Variants in NPAS3 observed in about 807,000 individuals in gnomAD.
NPAS3 encodes the protein neuronal PAS domain-containing protein 3.
In NPAS3, 14 loss-of-function variants were observed where a neutral mutation model predicts 73.1. The ratio of observed to expected loss-of-function variants is 0.19; its 90% CI spans 0.13 to 0.30. The LOEUF is 0.30. Ranked by LOEUF, NPAS3 falls within the 10% of genes least tolerant of loss-of-function variation. NPAS3 has a pLI of 1.00. For synonymous variants in NPAS3, 620 were observed against 541.5 expected (o/e 1.14, Z -2.01); for missense variants, 1,096 against 1,250.0 (o/e 0.88, Z 1.86).
intron 2 of NPAS3, among the ~76,000 whole-genome samples, chr14:33,066,363 T>C (rs1023688494): frequency 1.3e-5 from 2 of 152,218 alleles, no homozygotes; most frequent in African/African-American, 2.4e-5. Flanking sequence ...GATAGCAAGA[T>C]TGTTTACCCT....
At chr14:33,383,308 A>G (rs1194048875) in intron 4 of NPAS3, among the ~76,000 whole-genome samples, 1 of 152,088 alleles carries the variant, frequency 6.6e-6, no homozygotes, top group Non-Finnish European at 1.5e-5. Context: ...GAATTGACTT[A>G]AATTTGTGCA....
At chr14:33,005,866 C>A (rs879888487) in intron 1 of NPAS3, among the ~76,000 whole-genome samples, 1 of 152,146 alleles carries the variant, frequency 6.6e-6, no homozygotes, top group African/African-American at 2.4e-5. Flanking sequence ...TTCCTATAAC[C>A]TGTCCTCTTG....
intron 1 of NPAS3, among the ~76,000 whole-genome samples, chr14:32,971,125 C>G (rs947736517): frequency 6.7e-6 from 1 of 149,886 alleles, no homozygotes; most frequent in Non-Finnish European, 1.5e-5. Context: ...TGCTGTGTCG[C>G]CCATGCTGGA....
At chr14:33,801,161 G>GTTTA, downstream of NPAS3, 1 of 1,533,174 alleles carries the variant, frequency 6.5e-7, no homozygotes, top group Non-Finnish European at 8.7e-7. Flanking sequence ...AGGCATCGTC[G>GTTTA]GCATTTTCGT....
chr14:33,349,247 C>T (rs1470746697), intron 3 of NPAS3, among the ~76,000 whole-genome samples: 1 of 152,096 alleles, frequency 6.6e-6, no homozygotes, highest in African/African-American at 2.4e-5. Context: ...TTTTTCCTAG[C>T]CTATTTATAC....
chr14:33,603,837 C>T (rs1182272913), intron 5 of NPAS3, among the ~76,000 whole-genome samples: 6 of 151,922 alleles, frequency 3.9e-5, no homozygotes, highest in Admixed American at 2.0e-4. Context: ...AATGGGAACA[C>T]AGTGTGGGAT....
intron 7 of NPAS3, among the ~76,000 whole-genome samples, chr14:33,755,979 G>C (rs2062103609): frequency 6.6e-6 from 1 of 152,120 alleles, no homozygotes; most frequent in African/African-American, 2.4e-5. Flanking sequence ...CCCTGAGGGA[G>C]ACCATTCATC....
At chr14:33,316,485 A>G (rs1452410010) in intron 3 of NPAS3, among the ~76,000 whole-genome samples, 1 of 152,024 alleles carries the variant, frequency 6.6e-6, no homozygotes, top group Admixed American at 6.6e-5. Context: ...TTCAGATTGT[A>G]CCTCTTGAGA....
At chr14:32,984,695 T>A (rs555542902) in intron 1 of NPAS3, among the ~76,000 whole-genome samples, 2 of 152,306 alleles carry the variant, frequency 1.3e-5, no homozygotes, top group East Asian at 3.9e-4. Flanking sequence ...AGATGGAAAC[T>A]CCTTAAAAAA....
intron 4 of NPAS3, among the ~76,000 whole-genome samples, chr14:33,410,994 T>G (rs539413299): frequency 2.0e-5 from 3 of 152,172 alleles, no homozygotes; most frequent in Non-Finnish European, 4.4e-5. Flanking sequence ...TGAGTCCTTG[T>G]GGCTTTCAAT....
At chr14:33,267,763 G>A (rs1365073453) in intron 3 of NPAS3, among the ~76,000 whole-genome samples, 1 of 152,166 alleles carries the variant, frequency 6.6e-6, no homozygotes, top group Admixed American at 6.5e-5. Context: ...ATTTCCTGAG[G>A]TGGGGATCTG....
intron 3 of NPAS3, among the ~76,000 whole-genome samples, chr14:33,269,140 C>T (rs117162811): frequency 0.013 from 2,040 of 152,140 alleles, 10 homozygotes; most frequent in Non-Finnish European, 0.021. Flanking sequence ...AATATTGTAT[C>T]ATAAAGTGTG....
At chr14:33,183,605 A>G (rs929927393) in intron 2 of NPAS3, among the ~76,000 whole-genome samples, 1 of 151,140 alleles carries the variant, frequency 6.6e-6, no homozygotes, top group Non-Finnish European at 1.5e-5. Context: ...ACATCTCCCA[A>G]CTGAAATGTT....
At chr14:33,393,295 G>A (rs1423419786) in intron 4 of NPAS3, among the ~76,000 whole-genome samples, 2 of 152,084 alleles carry the variant, frequency 1.3e-5, no homozygotes, top group Non-Finnish European at 2.9e-5. Flanking sequence ...TTTATAAGGT[G>A]GGTGGAATTC....
rs4143918 is a variant in NPAS3 at position 33,213,089 on chromosome 14, A to G, written c.141-2093A>G. On this transcript the variant is annotated intron_variant, in intron 2 of 11. Coordinates refer to ENST00000356141, the Ensembl canonical transcript of NPAS3. ...CTTTCCCTAAAGTGGCATTGGCTCA[A>G]ACTGTGCTACCTCTTGGCCAGAGTT... Among the ~76,000 whole-genome samples, 36 of 152,286 alleles carry G rather than the reference A, an allele frequency of 2.4e-4. No homozygotes were observed. In the East Asian group the frequency reaches 6.6e-3, roughly 28 times the overall value.
At chr14:33,087,812 C>A (rs2042087770) in intron 2 of NPAS3, among the ~76,000 whole-genome samples, 1 of 152,104 alleles carries the variant, frequency 6.6e-6, no homozygotes, top group Non-Finnish European at 1.5e-5. Flanking sequence ...TCAAATAGAT[C>A]AGTTTTCTTG....
At chr14:33,059,481 T>C (rs1048867908) in intron 2 of NPAS3, among the ~76,000 whole-genome samples, 1 of 152,224 alleles carries the variant, frequency 6.6e-6, no homozygotes, top group Admixed American at 6.5e-5. Context: ...AGGGTAGGTA[T>C]ATAGTGTTTT....
At chr14:33,591,637 T>G (rs1219577528) in intron 5 of NPAS3, among the ~76,000 whole-genome samples, 1 of 152,206 alleles carries the variant, frequency 6.6e-6, no homozygotes, top group Non-Finnish European at 1.5e-5. Context: ...AACTGAATTC[T>G]TATAGAAACC....
chr14:33,087,062 A>T (rs1169871806), intron 2 of NPAS3, among the ~76,000 whole-genome samples: 1 of 140,348 alleles, frequency 7.1e-6, no homozygotes, highest in African/African-American at 2.8e-5. Flanking sequence ...TGGCAGCAGA[A>T]CATAGATATT....
Sources: gnomAD v4.1 joint callset for allele counts (sites outside exome capture counted in the v4.1 genomes callset) on GRCh38, gnomAD v4.1.1 for gene constraint, MANE v1.5 for transcripts, NCBI Gene and HGNC (gene_info 2026-07-23, HGNC 2026-07-21) for gene names.